The following SV2C variants were observed in gnomAD, a reference collection of about 807,000 sequenced individuals.
SV2C encodes synaptic vesicle glycoprotein 2C.
Under a neutral mutation model 79.7 loss-of-function variants are expected in SV2C, and 49 were observed. The ratio of observed to expected loss-of-function variants is 0.61; its 90% CI spans 0.49 to 0.78. SV2C has a LOEUF of 0.78. Among genes scored for constraint, SV2C ranks in the 30% least tolerant of loss-of-function variants. The pLI, the probability that SV2C is intolerant of heterozygous loss-of-function variation, is 0.00. For missense variants in SV2C, 833 were observed against 912.9 expected (o/e 0.91, Z 1.13); for synonymous variants, 334 against 333.2 (o/e 1.00, Z -0.03).
intron 4 of SV2C, among the ~76,000 whole-genome samples, chr5:76,273,243 C>T (rs749252534): frequency 2.9e-4 from 44 of 150,736 alleles, no homozygotes; most frequent in Admixed American, 1.1e-3. Flanking sequence ...ATATTATTAT[C>T]TATATACAAA....
the SV2C span, among the ~76,000 whole-genome samples, chr5:76,021,737 G>T: frequency 6.6e-6 from 1 of 152,064 alleles, no homozygotes; most frequent in East Asian, 1.9e-4. Flanking sequence ...CATTTTTGCT[G>T]GTGATTCATT....
At chr5:76,174,453 C>T (rs1743459466) in intron 2 of SV2C, among the ~76,000 whole-genome samples, 1 of 152,166 alleles carries the variant, frequency 6.6e-6, no homozygotes, top group Admixed American at 6.5e-5. Flanking sequence ...GTACTTGTTC[C>T]CATCAGGCCT....
At chr5:76,054,667 C>T in the SV2C span, among the ~76,000 whole-genome samples, 1 of 152,130 alleles carries the variant, frequency 6.6e-6, no homozygotes, top group Non-Finnish European at 1.5e-5. Context: ...TGTTTCTTGA[C>T]TTTTTAATAA....
chr5:76,146,797 TAAAAA>T (rs34569063), intron 2 of SV2C, among the ~76,000 whole-genome samples: 41 of 39,338 alleles, frequency 1.0e-3, no homozygotes, highest in African/African-American at 5.5e-3. Context: ...AGTTTTTTTT[TAAAAA>T]AAAAAAAAAA....
intron 4 of SV2C, among the ~76,000 whole-genome samples, chr5:76,241,182 C>CT (rs60557642): frequency 0.19 from 26,043 of 136,962 alleles, 3,562 homozygotes; most frequent in African/African-American, 0.39. Flanking sequence ...GTCTCAATCT[C>CT]TTTTTTTTTT....
At chr5:76,151,431 A>AT (rs1749601348) in intron 2 of SV2C, among the ~76,000 whole-genome samples, 1 of 152,190 alleles carries the variant, frequency 6.6e-6, no homozygotes, top group African/African-American at 2.4e-5. Context: ...GTGAAATGTC[A>AT]TTTGGGAGAC....
intron 3 of SV2C, among the ~76,000 whole-genome samples, chr5:76,203,308 G>A (rs554999891): frequency 9.2e-5 from 14 of 152,218 alleles, no homozygotes; most frequent in African/African-American, 3.4e-4. Context: ...GGGGTGGATA[G>A]AGGGATAATG....
At chr5:76,181,937 A>G (rs1261090406) in intron 2 of SV2C, among the ~76,000 whole-genome samples, 2 of 152,086 alleles carry the variant, frequency 1.3e-5, no homozygotes, top group Non-Finnish European at 2.9e-5. Flanking sequence ...ATTTCTCCAC[A>G]CACTAAACCC....
chr5:76,172,452 G>GCCCTGT (rs1187191708), intron 2 of SV2C, among the ~76,000 whole-genome samples: 1 of 89,674 alleles, frequency 1.1e-5, no homozygotes, highest in Non-Finnish European at 2.2e-5. Context: ...CCAGCCAGCC[G>GCCCTGT]CCCTGTCCGG....
the SV2C span, among the ~76,000 whole-genome samples, chr5:75,982,755 C>T: frequency 6.6e-6 from 1 of 152,192 alleles, no homozygotes; most frequent in Admixed American, 6.5e-5. Context: ...AAATGTGACA[C>T]ATATATACCC....
the SV2C span, among the ~76,000 whole-genome samples, chr5:75,976,779 A>C: frequency 1.3e-5 from 2 of 152,220 alleles, no homozygotes; most frequent in African/African-American, 4.8e-5. Context: ...GATATGCTCA[A>C]TTGTTACCTA....
intron 1 of SV2C, among the ~76,000 whole-genome samples, chr5:76,115,786 CTT>C (rs762552001): frequency 3.3e-5 from 5 of 152,196 alleles, no homozygotes; most frequent in Non-Finnish European, 7.3e-5. Flanking sequence ...CTAAACCCAT[CTT>C]TCTTAGAAAA....
At chr5:76,298,969 C>T in intron 10 of SV2C, 42 bp downstream of exon 10, 1 of 1,602,308 alleles carries the variant, frequency 6.2e-7, no homozygotes, top group East Asian at 2.2e-5. Context: ...GAGGCCTCTC[C>T]AAAGGGCCCA....
intron 4 of SV2C, among the ~76,000 whole-genome samples, chr5:76,264,565 T>C (rs1746583681): frequency 1.3e-5 from 2 of 152,212 alleles, no homozygotes; most frequent in Admixed American, 6.5e-5. Context: ...CTTGTCTTCA[T>C]GGATTTATCT....
chr5:76,291,000 C>A lies in SV2C; in HGVS notation c.1138-221C>A, dbSNP rs549802328. The stretch of plus-strand genomic sequence containing the variant: ...ATTACTACTTGCCCTTCCCCCATTT[C>A]TTTGTGGTTTTCCCTCTCACTCATT... On this transcript the variant is annotated intron_variant, in intron 6 of 12. Transcript: ENST00000502798. Among the ~76,000 whole-genome samples the A allele has an allele frequency of 4.6e-5, 7 of 152,312 alleles. No individual in the cohort carries two copies. In the East Asian group the frequency reaches 7.7e-4, roughly 17 times the overall value.
At chr5:76,204,911 A>G (rs984256027) in intron 3 of SV2C, among the ~76,000 whole-genome samples, 1 of 152,210 alleles carries the variant, frequency 6.6e-6, no homozygotes, top group Non-Finnish European at 1.5e-5. Flanking sequence ...AGGTTTGTGC[A>G]TACAGGAAGA....
At chr5:76,060,315 A>T in the SV2C span, among the ~76,000 whole-genome samples, 1 of 152,084 alleles carries the variant, frequency 6.6e-6, no homozygotes, top group South Asian at 2.1e-4. Flanking sequence ...CTTCCAAGAG[A>T]AGGCTGTTTT....
At chr5:75,864,933 A>G in the SV2C span, among the ~76,000 whole-genome samples, 1 of 152,184 alleles carries the variant, frequency 6.6e-6, no homozygotes, top group Non-Finnish European at 1.5e-5. Flanking sequence ...CCAGACTGCT[A>G]TGCAAGCAAC....
chr5:76,006,806 T>C, the SV2C span, among the ~76,000 whole-genome samples: 5 of 152,166 alleles, frequency 3.3e-5, no homozygotes, highest in Admixed American at 3.3e-4. Context: ...TCCTCTGATA[T>C]TCTACAGCTT....
Sources: allele counts gnomAD v4.1 joint callset (sites outside exome capture counted in the v4.1 genomes callset), GRCh38; gene constraint gnomAD v4.1.1; transcripts MANE v1.5; gene names NCBI Gene and HGNC (gene_info 2026-07-23, HGNC 2026-07-21).